Variants in ANKHD1 observed in about 807,000 individuals in gnomAD.
ANKHD1 encodes the protein ankyrin repeat and KH domain-containing protein 1.
In ANKHD1, 31 loss-of-function variants were observed where a neutral mutation model predicts 230.5. The observed-to-expected ratio is 0.13, with a 90% CI of 0.10 to 0.18. ANKHD1 has a LOEUF of 0.18. Among genes scored for constraint, ANKHD1 ranks in the 10% least tolerant of loss-of-function variants. The pLI, the probability that ANKHD1 is intolerant of heterozygous loss-of-function variation, is 1.00. For synonymous variants in ANKHD1, 1,074 were observed against 1,117.6 expected, an observed-to-expected ratio of 0.96 and a Z score of 0.78; for missense variants, 2,256 against 3,071.3, an observed-to-expected ratio of 0.73 and a Z score of 6.27.
chr5:140,539,321 C>T, intron 33 of ANKHD1, 38 bp from the exon 34 acceptor site: 3 of 1,611,878 alleles, frequency 1.9e-6, no homozygotes, highest in Non-Finnish European at 2.5e-6. Flanking sequence ...TCTAAAGATT[C>T]CTAATTAGAA....
At chr5:140,449,187 A>G in intron 6 of ANKHD1, 24 bp from the exon 7 acceptor site, 1 of 1,582,270 alleles carries the variant, frequency 6.3e-7, no homozygotes, top group Non-Finnish European at 8.6e-7. Context: ...GAATTCTTTT[A>G]AAATTTTTGT....
chr5:140,481,089 C>T (rs925473527), intron 10 of ANKHD1, among the ~76,000 whole-genome samples: 1 of 151,826 alleles, frequency 6.6e-6, no homozygotes, highest in African/African-American at 2.4e-5. Context: ...AGAAGAGAGA[C>T]CAGTATGTGC....
At chr5:140,523,108 CTTTTTTTTTT>C (rs374008554) in intron 24 of ANKHD1, among the ~76,000 whole-genome samples, 1 of 93,498 alleles carries the variant, frequency 1.1e-5, no homozygotes, top group East Asian at 3.0e-4. Flanking sequence ...TTTCTTTTTC[CTTTTTTTTTT>C]TTTTTTTTTT....
intron 11 of ANKHD1, 85 bp downstream of exon 11, chr5:140,482,752 T>A (rs1581320968): frequency 7.1e-7 from 1 of 1,400,674 alleles, no homozygotes; most frequent in Non-Finnish European, 9.8e-7. Flanking sequence ...ATGTTATGGC[T>A]ACTTTACCTA....
chr5:140,497,662 G>A (rs538355759), intron 15 of ANKHD1, among the ~76,000 whole-genome samples: 2 of 152,108 alleles, frequency 1.3e-5, no homozygotes, highest in South Asian at 4.2e-4. Flanking sequence ...TTTCATGTCT[G>A]GAAATTTAAA....
chr5:140,412,727 G>A (rs1771040757), intron 1 of ANKHD1, among the ~76,000 whole-genome samples: 2 of 152,162 alleles, frequency 1.3e-5, no homozygotes, highest in Admixed American at 6.5e-5. Flanking sequence ...TGTAAAAATT[G>A]TAATCTGCTT....
At position 140,429,169 on chromosome 5, in the gene ANKHD1, C is replaced by T. The variant is rs538563647; in HGVS notation, c.307-6935C>T. Among the ~76,000 whole-genome samples, 460 of 150,354 alleles carry T rather than the reference C, an allele frequency of 3.1e-3. 1 individual carries two copies. The highest frequency in any genetic ancestry group is 0.011 in the African/African-American group (437 of 40,756). On this transcript the variant is annotated intron_variant, in intron 1 of 33. Coordinates refer to ENST00000360839, the MANE Select transcript of ANKHD1 (RefSeq NM_017747.3). ...AGTGCAGTGGCACAATCTCGGTTCA[C>T]TCTAACCTCCACCTCCCAGGTTCAA... is the stretch of plus-strand genomic sequence containing the variant.
chr5:140,504,589 G>C (rs77007767), intron 15 of ANKHD1, among the ~76,000 whole-genome samples: 3,259 of 152,012 alleles, frequency 0.021, 119 homozygotes, highest in African/African-American at 0.073. Context: ...CATTATTTTC[G>C]CCATTCTACA....
At chr5:140,490,586 A>G (rs1489826002) in intron 14 of ANKHD1, among the ~76,000 whole-genome samples, 1 of 152,178 alleles carries the variant, frequency 6.6e-6, no homozygotes, top group Admixed American at 6.5e-5. Flanking sequence ...TAACTTTATT[A>G]CCTGCAGTTA....
intron 24 of ANKHD1, among the ~76,000 whole-genome samples, chr5:140,517,800 G>A (rs2127071422): frequency 6.8e-6 from 1 of 147,642 alleles, no homozygotes; most frequent in African/African-American, 2.5e-5. Flanking sequence ...AGTGTGTAGA[G>A]GGAAATTTAT....
At chr5:140,472,403 TG>T (rs1211817495) in intron 10 of ANKHD1, 2 of 1,492,054 alleles carry the variant, frequency 1.3e-6, no homozygotes, top group African/African-American at 1.4e-5. Context: ...AGGACCCTGC[TG>T]GGTGACAAAG....
intron 1 of ANKHD1, among the ~76,000 whole-genome samples, chr5:140,417,968 T>C (rs955754985): frequency 1.5e-4 from 22 of 150,240 alleles, no homozygotes; most frequent in Middle Eastern, 3.4e-3. Flanking sequence ...GCCCCCCGAG[T>C]AGCTGGGATT....
chr5:140,432,108 A>G (rs761420949), intron 1 of ANKHD1, among the ~76,000 whole-genome samples: 5 of 152,232 alleles, frequency 3.3e-5, no homozygotes, highest in Admixed American at 6.5e-5. Flanking sequence ...TTCGTATGCC[A>G]TAAGATATAG....
intron 1 of ANKHD1, among the ~76,000 whole-genome samples, chr5:140,427,735 C>T (rs1172727899): frequency 6.9e-6 from 1 of 144,220 alleles, no homozygotes; most frequent in Non-Finnish European, 1.5e-5. Context: ...GCAGAGGCGC[C>T]CCTCACCTCC....
At chr5:140,539,276 A>G in intron 33 of ANKHD1, 83 bp from the exon 34 acceptor site, 2 of 1,597,044 alleles carry the variant, frequency 1.3e-6, no homozygotes, top group Non-Finnish European at 1.7e-6. Flanking sequence ...GAAACAGTGA[A>G]TTGCCATTGC....
At chr5:140,538,814 T>C (rs1248875637) in intron 32 of ANKHD1, 105 bp from the exon 33 acceptor site, 2 of 1,245,832 alleles carry the variant, frequency 1.6e-6, no homozygotes, top group African/African-American at 3.1e-5. Context: ...TTGGAGTTCT[T>C]TAAATGAGGA....
At chr5:140,512,966 G>T (rs1346873312) in intron 23 of ANKHD1, 43 bp downstream of exon 23, 1 of 1,523,030 alleles carries the variant, frequency 6.6e-7, no homozygotes, top group Non-Finnish European at 8.9e-7. Flanking sequence ...GTTCTTTGTG[G>T]AATGATATGC....
At chr5:140,445,635 G>A (rs1774222256) in intron 5 of ANKHD1, 107 bp from the exon 6 acceptor site, 1 of 1,062,802 alleles carries the variant, frequency 9.4e-7, no homozygotes, top group Non-Finnish European at 1.2e-6. Context: ...AATCATAATT[G>A]TATCTGTTCT....
intron 15 of ANKHD1, among the ~76,000 whole-genome samples, chr5:140,498,598 T>C (rs1260725868): frequency 6.6e-6 from 1 of 152,222 alleles, no homozygotes; most frequent in Non-Finnish European, 1.5e-5. Flanking sequence ...ACAAATTAAC[T>C]TTGTATTATT....
Sources: gnomAD v4.1 joint callset for allele counts (sites outside exome capture counted in the v4.1 genomes callset) on GRCh38, gnomAD v4.1.1 for gene constraint, MANE v1.5 for transcripts, NCBI Gene and HGNC (gene_info 2026-07-23, HGNC 2026-07-21) for gene names.